TAF15: variants seen among roughly 807,000 people sequenced by gnomAD.
TAF15 encodes TATA-binding protein-associated factor 2N.
A neutral mutation model predicts 102.5 loss-of-function variants in TAF15; 37 were observed. The ratio of observed to expected loss-of-function variants is 0.36; its 90% CI spans 0.28 to 0.47. The LOEUF (loss-of-function observed/expected upper bound fraction) is 0.47. Ranked by LOEUF, TAF15 falls within the 20% of genes least tolerant of loss-of-function variation. TAF15 has a pLI of 0.99. For synonymous variants in TAF15, 273 were observed against 259.2 expected, an observed-to-expected ratio of 1.05 and a Z score of -0.51; for missense variants, 652 against 760.7, an observed-to-expected ratio of 0.86 and a Z score of 1.68.
At chr17:35,844,419 A>C in intron 14 of TAF15, 51 bp downstream of exon 14, 1 of 1,612,514 alleles carries the variant, frequency 6.2e-7, no homozygotes, top group Non-Finnish European at 8.5e-7. Flanking sequence ...TCTGACTAGC[A>C]TTAAGGGGGC....
chr17:35,810,476 C>T (rs1221625381), intron 1 of TAF15: 1 of 152,206 alleles, frequency 6.6e-6, no homozygotes, highest in Non-Finnish European at 1.5e-5. Context: ...TGGATGTCCT[C>T]TTGATTTAGC....
In TAF15 at chr17:35,847,221, CTTGT is replaced by C. The variant is rs1290892475; in HGVS notation, c.*279_*282del. The C allele has an allele frequency of 2.3e-5, 14 of 599,182 alleles. No individual in the cohort carries two copies. The highest frequency in any genetic ancestry group is 3.0e-5 in the Non-Finnish European group (10 of 337,904). The allele number at this position is 599,182 out of a possible 1,614,324, so 37.1% of individuals were successfully genotyped here. On this transcript the variant is annotated 3_prime_UTR_variant, in exon 16 of 16. Coordinates refer to ENST00000605844, the MANE Select transcript of TAF15 (RefSeq NM_139215.3). ...TTTTGTAATACTGCAATAAAGGCTG[CTTGT>C]TTTTGTGGACTTTTGTACATACTAG...
rs765496551 is a variant in TAF15, at chr17:35,842,456, C to T, written c.1003C>T (p.Arg335Ter). The change falls in exon 12 of 16, where the codon CGA becomes TGA. Residue 335 changes from arginine to a stop codon, truncating the protein, a stop_gained. Transcript: ENST00000605844. LOFTEE classifies it high-confidence loss of function. The part of the protein sequence containing the change: ...MRGGGSGGGR[R>*]GRGGYRGRGG... ...AGGAGGTGGAAGTGGAGGTGGGCGGCGAGGTAAGATCCTTGCTGCGTACAG... is the reference window on the plus strand; with the variant it reads ...AGGAGGTGGAAGTGGAGGTGGGCGGTGAGGTAAGATCCTTGCTGCGTACAG... 2.5e-6 allele frequency: 4 copies of T among 1,612,566 alleles called. No individual in the cohort carries two copies. Among genetic ancestry groups the T allele is most frequent in the Non-Finnish European group, 1.7e-6 (2 of 1,178,838 alleles).
chr17:35,825,932 C>A (rs1027142292), intron 7 of TAF15, among the ~76,000 whole-genome samples: 1 of 150,866 alleles, frequency 6.6e-6, no homozygotes, highest in Non-Finnish European at 1.5e-5. Flanking sequence ...CCAGCCTGGG[C>A]GACAGAGCAA....
chr17:35,829,997 G>C (rs2087382565), intron 7 of TAF15: 1 of 152,152 alleles, frequency 6.6e-6, no homozygotes, highest in Non-Finnish European at 1.5e-5. Flanking sequence ...AAAATTAGCT[G>C]GGCATGGTGG....
At chr17:35,837,592 C>G (rs1340160956) in intron 10 of TAF15, among the ~76,000 whole-genome samples, 1 of 151,990 alleles carries the variant, frequency 6.6e-6, no homozygotes, top group Non-Finnish European at 1.5e-5. Context: ...CTTTGGGAGG[C>G]CAAGGCGGGT....
chr17:35,833,073 C>G (rs1301732225), intron 7 of TAF15, among the ~76,000 whole-genome samples: 1 of 151,984 alleles, frequency 6.6e-6, no homozygotes, highest in Non-Finnish European at 1.5e-5. Flanking sequence ...AGGAAAATCA[C>G]TTGAACCTGG....
intron 10 of TAF15, among the ~76,000 whole-genome samples, chr17:35,837,916 C>G (rs957887724): frequency 6.6e-5 from 10 of 151,986 alleles, no homozygotes; most frequent in Admixed American, 2.0e-4. Context: ...GTGGCTGATT[C>G]CTGTAATCAG....
chr17:35,839,474 C>T (rs576151487), intron 11 of TAF15, among the ~76,000 whole-genome samples: 128 of 150,068 alleles, frequency 8.5e-4, no homozygotes, highest in African/African-American at 2.8e-3. Flanking sequence ...CTCCGCCTCC[C>T]GGGTTCACAC....
chr17:35,842,739 T>C (rs963903061), intron 12 of TAF15, among the ~76,000 whole-genome samples: 2 of 152,118 alleles, frequency 1.3e-5, no homozygotes, highest in African/African-American at 2.4e-5. Context: ...TTTTGGTTTT[T>C]GTGTTTCTTT....
At chr17:35,827,534 G>A (rs1172774629) in intron 7 of TAF15, among the ~76,000 whole-genome samples, 5 of 151,848 alleles carry the variant, frequency 3.3e-5, no homozygotes, top group African/African-American at 7.3e-5. Flanking sequence ...GTGAAACCCC[G>A]TCTCTACTAA....
chr17:35,823,556 T>A (rs570253975), intron 6 of TAF15: 70 of 164,916 alleles, frequency 4.2e-4, no homozygotes, highest in Admixed American at 8.8e-4. Flanking sequence ...AAAAAAAAAA[T>A]TAGCCAGGCA....
rs770549195 is a variant in TAF15 at position 35,844,657 on chromosome 17, G to A, written c.1358G>A (p.Gly453Asp). Residue 453 changes from glycine to aspartate, a missense_variant, in exon 15 of 16, where the codon GGT (glycine) becomes GAT (aspartate). Around this residue, in one of 3 missense-constraint regions of TAF15, gnomAD observed 368 missense variants for 367.5 expected, o/e 1.00. Transcript: ENST00000605844. Reference protein sequence around the residue: ...GGGYGGDRSGGGYGGDRGGGY... With the variant: ...GGGYGGDRSGDGYGGDRGGGY... Reference sequence around the variant, plus strand: ...GGCTATGGTGGAGACAGAAGTGGGGGTGGCTATGGTGGGGACAGAGGCGGC... The same window carrying A: ...GGCTATGGTGGAGACAGAAGTGGGGATGGCTATGGTGGGGACAGAGGCGGC... 1 of 1,599,726 alleles carries A rather than the reference G, an allele frequency of 6.3e-7. No individual in the cohort carries two copies. The highest frequency in any genetic ancestry group is 1.1e-5 in the South Asian group (1 of 90,264).
intron 1 of TAF15, chr17:35,817,222 CTT>C (rs771696244): frequency 1.5e-4 from 20 of 134,418 alleles, no homozygotes; most frequent in South Asian, 2.4e-4. Context: ...AACTTAGCTG[CTT>C]TTTTTTTTTT....
At chr17:35,834,068 T>C in intron 8 of TAF15, 127 bp downstream of exon 8, 1 of 705,372 alleles carries the variant, frequency 1.4e-6, no homozygotes, top group Non-Finnish European at 2.2e-6. Flanking sequence ...TTGTGTGCTT[T>C]AAAAAAAATT....
chr17:35,834,178 C>T, intron 8 of TAF15: 1 of 358,958 alleles, frequency 2.8e-6, no homozygotes. Context: ...AGTGAATTTG[C>T]ATGAAAGAGT....
At chr17:35,829,655 AAGAG>A (rs1444076826) in intron 7 of TAF15, among the ~76,000 whole-genome samples, 44 of 135,548 alleles carry the variant, frequency 3.2e-4, no homozygotes, top group South Asian at 7.0e-4. Context: ...AAAAAAAAAA[AAGAG>A]AGAGAGAGAC....
chr17:35,810,347 C>G (rs1204751673), intron 1 of TAF15: 1 of 152,436 alleles, frequency 6.6e-6, no homozygotes, highest in African/African-American at 2.4e-5. Context: ...TCTTTTTTCC[C>G]CCCACGAAGC....
chr17:35,826,278 T>C (rs139945088), intron 7 of TAF15, among the ~76,000 whole-genome samples: 3 of 152,340 alleles, frequency 2.0e-5, no homozygotes, highest in Non-Finnish European at 4.4e-5. Flanking sequence ...GGAAGGGATC[T>C]GCAATCTTGC....
Sources: allele counts gnomAD v4.1 joint callset (sites outside exome capture counted in the v4.1 genomes callset), GRCh38; gene constraint gnomAD v4.1.1; regional missense constraint gnomAD v4.1.1; transcripts MANE v1.5; gene names NCBI Gene and HGNC (gene_info 2026-07-23, HGNC 2026-07-21).